Variants in CLCN5 observed in about 807,000 individuals in gnomAD.
CLCN5 encodes Cl-/H+ antiporter 5, also known as H(+)/Cl(-) exchange transporter 5.
In CLCN5, 17 loss-of-function variants were observed where a neutral mutation model predicts 54.0. The ratio of observed to expected loss-of-function variants is 0.31; its 90% CI spans 0.22 to 0.47. CLCN5 has a LOEUF of 0.47. Ranked by LOEUF, CLCN5 falls within the 20% of genes least tolerant of loss-of-function variation. The pLI, the probability that CLCN5 is intolerant of heterozygous loss-of-function variation, is 1.00. For synonymous variants in CLCN5, 222 were observed against 233.0 expected (o/e 0.95, Z 0.43); for missense variants, 448 against 646.7 (o/e 0.69, Z 3.33).
chrX:50,038,693 T>G (rs1301072495), intron 3 of CLCN5, among the ~76,000 whole-genome samples: 2 of 111,910 alleles, frequency 1.8e-5, no homozygotes, highest in Non-Finnish European at 3.8e-5. Context: ...TTTTCCAAAT[T>G]TTGATTCTCC....
chrX:49,924,651 A>C (rs1925250339), intron 2 of CLCN5, among the ~76,000 whole-genome samples: 1 of 112,277 alleles, frequency 8.9e-6, no homozygotes, highest in African/African-American at 3.2e-5. Context: ...AGGGTGGGAA[A>C]GTATAATGAC....
intron 4 of CLCN5, among the ~76,000 whole-genome samples, chrX:50,063,629 A>G (rs1363119553): frequency 1.8e-5 from 2 of 108,116 alleles, no homozygotes; most frequent in African/African-American, 3.5e-5. Context: ...AATCAATAGA[A>G]AAAGAGGGAA....
chrX:49,953,677 A>G (rs1449242691), intron 3 of CLCN5, among the ~76,000 whole-genome samples: 1 of 112,398 alleles, frequency 8.9e-6, no homozygotes, highest in Non-Finnish European at 1.9e-5. Context: ...GTTATTGGAT[A>G]TTTAAGTTGT....
intron 3 of CLCN5, among the ~76,000 whole-genome samples, chrX:49,957,307 GA>G (rs1359440250): frequency 6.6e-4 from 72 of 108,849 alleles, no homozygotes; most frequent in African/African-American, 2.0e-3. Flanking sequence ...CTCTATAAAA[GA>G]AAAAAAAATA....
At chrX:50,057,302 G>C (rs1212423024) in intron 4 of CLCN5, among the ~76,000 whole-genome samples, 1 of 105,901 alleles carries the variant, frequency 9.4e-6, no homozygotes, top group African/African-American at 3.4e-5. Flanking sequence ...GCATACAGAT[G>C]CATATCAACA....
chrX:49,959,409 A>G (rs376028710), intron 3 of CLCN5, among the ~76,000 whole-genome samples: 14 of 112,064 alleles, frequency 1.2e-4, no homozygotes, highest in African/African-American at 4.2e-4. Flanking sequence ...TTCCCCTTTC[A>G]TAAGCATGTT....
At position 49,955,994 on chromosome X, in the gene CLCN5, C is replaced by T. The variant is rs782104058; in HGVS notation, c.16+30680C>T. Among the ~76,000 whole-genome samples, 4 of 111,722 alleles carry T rather than the reference C, an allele frequency of 3.6e-5. No individual in the cohort carries two copies. The South Asian group carries it at 1.1e-3, about 32-fold the overall frequency. On this transcript the variant is annotated intron_variant, in intron 3 of 14. Transcript: ENST00000376091. ...CAATCCCAATCTGTATAGAACTGTA[C>T]CACTATTCCAAAGGTCTGTCTTAAT... is the stretch of plus-strand genomic sequence containing the variant.
intron 4 of CLCN5, among the ~76,000 whole-genome samples, chrX:50,051,872 G>A (rs1000285759): frequency 1.5e-4 from 17 of 111,656 alleles, no homozygotes; most frequent in Admixed American, 1.4e-3. Flanking sequence ...ATATCCTGGA[G>A]TCTTACTATG....
chrX:49,946,503 T>G (rs1277194835), intron 3 of CLCN5, among the ~76,000 whole-genome samples: 6 of 112,157 alleles, frequency 5.3e-5, no homozygotes, highest in African/African-American at 1.6e-4. Flanking sequence ...ACATGGTCTT[T>G]CCATAGGCAG....
At chrX:49,947,388 C>T (rs1265198068) in intron 3 of CLCN5, among the ~76,000 whole-genome samples, 2 of 110,173 alleles carry the variant, frequency 1.8e-5, no homozygotes, top group Non-Finnish European at 1.9e-5. Context: ...GTTCATTTCC[C>T]CATGGCCTGG....
intron 3 of CLCN5, among the ~76,000 whole-genome samples, chrX:49,999,726 T>A (rs1461885370): frequency 9.0e-6 from 1 of 111,700 alleles, no homozygotes; most frequent in Non-Finnish European, 1.9e-5. Context: ...AGTGTCAGTG[T>A]GAACACATAT....
intron 3 of CLCN5, among the ~76,000 whole-genome samples, chrX:50,030,975 C>T (rs1202678364): frequency 9.0e-6 from 1 of 111,464 alleles, no homozygotes; most frequent in Non-Finnish European, 1.9e-5. Flanking sequence ...GTGTTGTCTT[C>T]GTCAGGCCTG....
chrX:50,065,462 A>G (rs1348604183), intron 4 of CLCN5, among the ~76,000 whole-genome samples: 2 of 91,719 alleles, frequency 2.2e-5, no homozygotes, highest in Non-Finnish European at 4.3e-5. Flanking sequence ...CCACTATGAG[A>G]TATCATCTCA....
chrX:50,043,203 C>T (rs1226452116), intron 4 of CLCN5, among the ~76,000 whole-genome samples: 1 of 111,422 alleles, frequency 9.0e-6, no homozygotes, highest in African/African-American at 3.3e-5. Context: ...ATTAAAATCC[C>T]CCTCCTTGGT....
At chrX:49,953,042 C>A (rs1054535107) in intron 3 of CLCN5, among the ~76,000 whole-genome samples, 1 of 110,764 alleles carries the variant, frequency 9.0e-6, no homozygotes, top group Non-Finnish European at 1.9e-5. Flanking sequence ...TGCACCACCA[C>A]GCCCAGCTAA....
intron 3 of CLCN5, among the ~76,000 whole-genome samples, chrX:50,006,430 A>G (rs1397526082): frequency 9.0e-6 from 1 of 111,720 alleles, no homozygotes. Context: ...CACCTCTCCT[A>G]GTTCCTTTCA....
intron 3 of CLCN5, among the ~76,000 whole-genome samples, chrX:50,032,196 T>G (rs782154925): frequency 0.068 from 7,556 of 110,818 alleles, 709 homozygotes; most frequent in African/African-American, 0.24. Flanking sequence ...GCATGTGTCT[T>G]TATAGCAGCA....
At chrX:50,055,199 G>A (rs1557188785) in intron 4 of CLCN5, among the ~76,000 whole-genome samples, 1 of 111,744 alleles carries the variant, frequency 8.9e-6, no homozygotes, top group Non-Finnish European at 1.9e-5. Context: ...AAAGATAAGG[G>A]CCTCTCAGAA....
chrX:49,974,069 G>T (rs1323624489), intron 3 of CLCN5, among the ~76,000 whole-genome samples: 1 of 112,401 alleles, frequency 8.9e-6, no homozygotes, highest in African/African-American at 3.2e-5. Flanking sequence ...GTCATAGCAT[G>T]TATCGGTACT....
Sources: gnomAD v4.1 joint callset for allele counts (sites outside exome capture counted in the v4.1 genomes callset) on GRCh38, gnomAD v4.1.1 for gene constraint, MANE v1.5 for transcripts, NCBI Gene and HGNC (gene_info 2026-07-23, HGNC 2026-07-21) for gene names.